SLC8A1: variants seen among roughly 807,000 people sequenced by gnomAD.
The protein encoded by SLC8A1 is sodium/calcium exchanger 1.
A neutral mutation model predicts 68.3 loss-of-function variants in SLC8A1; 18 were observed. That is an observed-to-expected ratio of 0.26 (90% CI 0.18 to 0.39). The LOEUF is 0.39. Ranked by LOEUF, SLC8A1 falls within the 10% of genes least tolerant of loss-of-function variation. SLC8A1 has a pLI of 1.00. For missense variants in SLC8A1, 985 were observed against 1,156.7 expected (o/e 0.85, Z 2.15); for synonymous variants, 475 against 415.5 (o/e 1.14, Z -1.74).
rs138094109 is a variant in SLC8A1 at position 40,323,234 on chromosome 2, T to C, written c.1808+105239A>G. Among the ~76,000 whole-genome samples, 560 of 152,300 alleles carry C rather than the reference T, an allele frequency of 3.7e-3. 4 individuals are homozygous for C. The highest frequency in any genetic ancestry group is 0.013 in the African/African-American group (531 of 41,574). ...AAATGGCTGTGAAGACTGACATCCA[T>C]TGCAGTGTTTCCTTGATAAATAATC... On this transcript the variant is annotated intron_variant, in intron 2 of 7. Transcript: ENST00000406785.
chr2:40,472,504 G>A (rs1198465225), intron 1 of SLC8A1, among the ~76,000 whole-genome samples: 2 of 152,116 alleles, frequency 1.3e-5, no homozygotes, highest in African/African-American at 4.8e-5. Flanking sequence ...AAACAAAGAT[G>A]TTTCAACCAA....
intron 2 of SLC8A1, among the ~76,000 whole-genome samples, chr2:40,326,952 C>G (rs535143024): frequency 6.6e-6 from 1 of 152,312 alleles, no homozygotes; most frequent in East Asian, 1.9e-4. Flanking sequence ...TCCAAGTAAT[C>G]TTCCAAGCTC....
At chr2:40,368,251 A>G (rs1222083469) in intron 2 of SLC8A1, among the ~76,000 whole-genome samples, 1 of 152,088 alleles carries the variant, frequency 6.6e-6, no homozygotes, top group East Asian at 1.9e-4. Flanking sequence ...ATTCATTTCA[A>G]CATCTAGGCC....
chr2:40,398,219 G>C (rs1370531840), intron 2 of SLC8A1, among the ~76,000 whole-genome samples: 1 of 152,158 alleles, frequency 6.6e-6, no homozygotes, highest in Non-Finnish European at 1.5e-5. Flanking sequence ...CTTCTCCCTA[G>C]TCTTGGTCAG....
At chr2:40,505,550 C>G (rs1706317390) in intron 1 of SLC8A1, among the ~76,000 whole-genome samples, 1 of 151,776 alleles carries the variant, frequency 6.6e-6, no homozygotes, top group Non-Finnish European at 1.5e-5. Context: ...GCTCATAGAG[C>G]TCAATTCTAG....
At chr2:40,224,826 C>T (rs1327820064) in intron 2 of SLC8A1, among the ~76,000 whole-genome samples, 2 of 152,068 alleles carry the variant, frequency 1.3e-5, no homozygotes, top group African/African-American at 4.8e-5. Context: ...CTACAAACAA[C>T]TTAAACAAAT....
rs373151764 is a variant in SLC8A1, at chr2:40,134,015, A to G, written c.2437+5386T>C. On this transcript the variant is annotated intron_variant, in intron 7 of 7. Transcript: ENST00000406785. ...CCATAGAAATAATGTGATACATAACATAGTGATACACTTGTGTTAGGCTAC... is the reference window on the plus strand; with the variant it reads ...CCATAGAAATAATGTGATACATAACGTAGTGATACACTTGTGTTAGGCTAC... Among the ~76,000 whole-genome samples, 7 of 152,116 alleles carry G rather than the reference A, an allele frequency of 4.6e-5. No individual in the cohort carries two copies. The East Asian group carries it at 7.7e-4, about 17-fold the overall frequency.
intron 2 of SLC8A1, among the ~76,000 whole-genome samples, chr2:40,412,522 A>G (rs1692480878): frequency 6.6e-6 from 1 of 152,210 alleles, no homozygotes; most frequent in Non-Finnish European, 1.5e-5. Flanking sequence ...TAACTGAAAC[A>G]GATTCTTGAC....
intron 2 of SLC8A1, chr2:40,178,408 C>A: frequency 6.2e-7 from 1 of 1,613,944 alleles, no homozygotes; most frequent in East Asian, 2.2e-5. Context: ...CTCATCTCCA[C>A]CAGGCGGGGC....
chr2:40,510,483 C>A (rs143566198), intron 1 of SLC8A1, among the ~76,000 whole-genome samples: 2 of 152,308 alleles, frequency 1.3e-5, no homozygotes, highest in Admixed American at 6.5e-5. Flanking sequence ...TGCATTGCAT[C>A]TGTTCACAAA....
At chr2:40,391,587 G>T (rs917472402) in intron 2 of SLC8A1, among the ~76,000 whole-genome samples, 1 of 151,934 alleles carries the variant, frequency 6.6e-6, no homozygotes, top group Non-Finnish European at 1.5e-5. Context: ...AGAGCATTAT[G>T]ACTTTCATGC....
intron 2 of SLC8A1, among the ~76,000 whole-genome samples, chr2:40,355,682 G>A (rs1041661123): frequency 2.0e-5 from 3 of 152,054 alleles, no homozygotes; most frequent in African/African-American, 4.8e-5. Context: ...AATCCAGCTC[G>A]CTTTAATTTG....
intron 2 of SLC8A1, among the ~76,000 whole-genome samples, chr2:40,412,391 A>T (rs1390915179): frequency 6.6e-6 from 1 of 152,162 alleles, no homozygotes; most frequent in Non-Finnish European, 1.5e-5. Context: ...TCTATTTTGT[A>T]ATCATATATT....
intron 2 of SLC8A1, among the ~76,000 whole-genome samples, chr2:40,315,936 G>A (rs749766531): frequency 6.6e-6 from 1 of 152,018 alleles, no homozygotes; most frequent in African/African-American, 2.4e-5. Context: ...ACCAAGTTAA[G>A]TAATTACACT....
chr2:40,350,838 T>C (rs573950589), intron 2 of SLC8A1, among the ~76,000 whole-genome samples: 71 of 152,210 alleles, frequency 4.7e-4, no homozygotes, highest in African/African-American at 1.7e-3. Flanking sequence ...ATATAAATTA[T>C]CTATAATTCT....
At chr2:40,131,289 G>A (rs547099902) in intron 7 of SLC8A1, among the ~76,000 whole-genome samples, 21 of 152,310 alleles carry the variant, frequency 1.4e-4, no homozygotes, top group Non-Finnish European at 2.1e-4. Context: ...CCCTCAGCAC[G>A]TAGTCATTGT....
rs547099005 is a variant in SLC8A1, at chr2:40,360,030, G to A, written c.1808+68443C>T. Among the ~76,000 whole-genome samples the A allele has an allele frequency of 2.2e-4, 33 of 151,828 alleles. 1 individual carries two copies. In the South Asian group the frequency reaches 6.9e-3, roughly 32 times the overall value. On this transcript the variant is annotated intron_variant, in intron 2 of 7. Coordinates refer to ENST00000406785, the Ensembl canonical transcript of SLC8A1. Reference sequence around the variant, plus strand: ...GGAAAAGAAAGAGAATGTTTCTTTAGTGCCCACTGGCATGTGCCAGAAGTT... The same window carrying A: ...GGAAAAGAAAGAGAATGTTTCTTTAATGCCCACTGGCATGTGCCAGAAGTT...
intron 2 of SLC8A1, among the ~76,000 whole-genome samples, chr2:40,271,668 A>T (rs1359868802): frequency 1.3e-5 from 2 of 152,310 alleles, no homozygotes; most frequent in East Asian, 3.9e-4. Flanking sequence ...TGACTTGCAC[A>T]TTGGAGGTAT....
intron 2 of SLC8A1, among the ~76,000 whole-genome samples, chr2:40,376,620 A>G (rs1439823102): frequency 6.6e-6 from 1 of 152,120 alleles, no homozygotes; most frequent in Non-Finnish European, 1.5e-5. Context: ...AGGAAAGTTC[A>G]CGCTGTGGCA....
Sources: gnomAD v4.1 joint callset for allele counts (sites outside exome capture counted in the v4.1 genomes callset) on GRCh38, gnomAD v4.1.1 for gene constraint, MANE v1.5 for transcripts, NCBI Gene and HGNC (gene_info 2026-07-23, HGNC 2026-07-21) for gene names.